Variants in GIPR observed in about 807,000 individuals in gnomAD.
GIPR encodes the protein GIP-R.
In GIPR, 74 loss-of-function variants were observed where a neutral mutation model predicts 62.2. The ratio of observed to expected loss-of-function variants is 1.19; its 90% confidence interval spans 0.99 to 1.44. GIPR has a LOEUF of 1.44. Among genes scored for constraint, GIPR ranks in the 40% most tolerant of loss-of-function variants. GIPR has a pLI of 0.00. For synonymous variants in GIPR, 256 were observed against 262.2 expected (o/e 0.98, Z 0.23); for missense variants, 664 against 611.8 (o/e 1.09, Z -0.90).
chr19:45,679,172 A>G (rs555596208), intron 12 of GIPR, among the ~76,000 whole-genome samples: 96 of 152,238 alleles, frequency 6.3e-4, no homozygotes, highest in African/African-American at 2.3e-3. Context: ...AAGACACACT[A>G]AACACACTAT....
chr19:45,680,456 G>A lies in GIPR; in HGVS notation c.1153-1148G>A, dbSNP rs958791889. Among the ~76,000 whole-genome samples, 5 of 152,222 alleles carry A rather than the reference G, an allele frequency of 3.3e-5. No homozygotes were observed. In the South Asian group the frequency reaches 8.3e-4, roughly 25 times the overall value. On this transcript the variant is annotated intron_variant, in intron 12 of 13. Transcript: ENST00000590918. ...GTGGGAGGATCCCTCTAGCTCAGGA[G>A]TTGAGGTTGAAGTGATGAAGTGAGC...
In GIPR at chr19:45,674,752, A is replaced by C. The variant is rs747456820; in HGVS notation, c.559A>C (p.Ile187Leu). 16 of 1,613,746 alleles carry C rather than the reference A, an allele frequency of 9.9e-6. No homozygotes were observed. The South Asian group carries it at 1.6e-4, about 17-fold the overall frequency. The change falls in exon 7 of 14, where the codon ATT (isoleucine) becomes CTT (leucine). Residue 187 changes from isoleucine to leucine, a missense_variant. Physicochemically the swap from Ile to Leu is conservative, Grantham distance 5. Coordinates refer to ENST00000590918, the MANE Select transcript of GIPR (RefSeq NM_000164.4). Reference sequence around the variant, plus strand: ...GTCTTTCATGCTGCGAGCTGCGGCCATTCTCAGCCGAGACCGTCTGCTACC... The same window carrying C: ...GTCTTTCATGCTGCGAGCTGCGGCCCTTCTCAGCCGAGACCGTCTGCTACC... ...FTSFMLRAAA[I>L]LSRDRLLPRP...
Position 45,678,208 on chromosome 19 carries a change from C to G in GIPR, c.1134C>G (p.Ile378Met), listed in dbSNP as rs115450421. 3.8e-4 allele frequency: 604 copies of G among 1,572,298 alleles called. 2 individuals are homozygous for G. The African/African-American group carries it at 6.9e-3, about 18-fold the overall frequency. Residue 378 changes from isoleucine to methionine, a missense_variant, in exon 12 of 14, where the codon ATC (isoleucine) becomes ATG (methionine). Transcript: ENST00000590918. ...ALRFAKLGFE[I>M]FLSSFQGFLV... ...GCTTCGCCAAGCTCGGCTTTGAGAT[C>G]TTCCTCAGCTCCTTCCAGGTGCTCA...
At position 45,674,068 on chromosome 19, in the gene GIPR, G is replaced by A. The variant is rs200834226; in HGVS notation, c.385-6G>A. On this transcript the variant is annotated splice_region_variant and splice_polypyrimidine_tract_variant and intron_variant, in intron 5 of 13. Transcript: ENST00000590918. ...CTTGTTCCCTTCCCCTTCTTGCCCCGACCAGGACCAAAGGCTCATCTTGGA... is the reference window on the plus strand; with the variant it reads ...CTTGTTCCCTTCCCCTTCTTGCCCCAACCAGGACCAAAGGCTCATCTTGGA... The A allele has an allele frequency of 3.6e-5, 58 of 1,591,222 alleles. No homozygotes were observed. Among genetic ancestry groups the A allele is most frequent in the South Asian group, 6.6e-5 (6 of 90,620 alleles).
At position 45,669,698 on chromosome 19, in the gene GIPR, C is replaced by T. The variant is rs572278459; in HGVS notation, c.72+106C>T. The T allele has an allele frequency of 1.0e-5, 15 of 1,449,698 alleles. 1 individual carries two copies. Among genetic ancestry groups the T allele is most frequent in the Middle Eastern group, 2.5e-4 (1 of 4,080 alleles). 89.8% of individuals were successfully genotyped at this position (1,449,698 alleles called of 1,614,324 possible). On this transcript the variant is annotated intron_variant, in intron 2 of 13. Transcript: ENST00000590918. ...CTGTCGCTCACGCCTGTAATCCCAG[C>T]ACTTTGGGAGGCCGAAGCGGGTGGA...
intron 7 of GIPR, chr19:45,675,293 G>A (rs113670203): frequency 9.4e-5 from 17 of 180,498 alleles, no homozygotes; most frequent in African/African-American, 2.9e-4. Flanking sequence ...GAAGCCGCAC[G>A]CACCCAGGCA....
chr19:45,678,536 T>G, intron 12 of GIPR: 1 of 425,248 alleles, frequency 2.4e-6, no homozygotes, highest in Non-Finnish European at 4.4e-6. Context: ...GCTAATTTTG[T>G]ATTTTTAGTA....
intron 6 of GIPR, 138 bp from the exon 7 acceptor site, chr19:45,674,544 C>A: frequency 1.3e-6 from 1 of 768,328 alleles, no homozygotes. Flanking sequence ...GAGGTTGAGG[C>A]TGCAGTGAGC....
rs967551309 is a variant in GIPR, at chr19:45,674,704, T to C, written c.511T>C (p.Tyr171His). Reference sequence around the variant, plus strand: ...TAGGCGGCTACATTGCACTAGAAACTATATCCACATCAACCTGTTCACGTC... The same window carrying C: ...TAGGCGGCTACATTGCACTAGAAACCATATCCACATCAACCTGTTCACGTC... ...LFRRLHCTRN[Y>H]IHINLFTSFM... Residue 171 changes from tyrosine to histidine, a missense_variant, in exon 7 of 14, where the codon TAT (tyrosine) becomes CAT (histidine). Physicochemically the swap from Tyr to His is moderately conservative, Grantham distance 83 (BLOSUM62 2). Transcript: ENST00000590918. 1 of 1,613,956 alleles carries C rather than the reference T, an allele frequency of 6.2e-7. No homozygotes were observed. Among genetic ancestry groups the C allele is most frequent in the Non-Finnish European group, 8.5e-7 (1 of 1,179,974 alleles).
rs778824900 is a variant in GIPR, at chr19:45,677,970, T to C, written c.989T>C (p.Met330Thr). 3.7e-6 allele frequency: 6 copies of C among 1,613,790 alleles called. No individual in the cohort carries two copies. In the South Asian group the frequency reaches 5.5e-5, roughly 15 times the overall value. ...ILLSKLRTRQ[M>T]RCRDYRLRLA... ...CTGTCCAAGCTGAGGACACGGCAAATGCGCTGCCGGGATTACCGGCTGAGG... is the reference window on the plus strand; with the variant it reads ...CTGTCCAAGCTGAGGACACGGCAAACGCGCTGCCGGGATTACCGGCTGAGG... The change falls in exon 11 of 14, where the codon ATG becomes ACG. Residue 330 changes from methionine to threonine, a missense_variant. Physicochemically the swap from Met to Thr is moderately conservative, Grantham distance 81 (BLOSUM62 -1). Coordinates refer to ENST00000590918, the MANE Select transcript of GIPR (RefSeq NM_000164.4).
rs1975699162 is a variant in GIPR, at chr19:45,674,064, C to T, written c.385-10C>T. 6.4e-7 allele frequency: 1 copy of T among 1,568,058 alleles called. No individual in the cohort carries two copies. The highest frequency in any genetic ancestry group is 8.8e-7 in the Non-Finnish European group (1 of 1,137,960). On this transcript the variant is annotated splice_polypyrimidine_tract_variant and intron_variant, in intron 5 of 13. Coordinates refer to ENST00000590918, the MANE Select transcript of GIPR (RefSeq NM_000164.4). ...AAGCCTTGTTCCCTTCCCCTTCTTG[C>T]CCCGACCAGGACCAAAGGCTCATCT...
At chr19:45,677,298 G>C (rs559101732) in intron 8 of GIPR, 25 bp from the exon 9 acceptor site, 14 of 1,474,628 alleles carry the variant, frequency 9.5e-6, no homozygotes, top group East Asian at 4.8e-5. Context: ...GGCGGGGTGG[G>C]GGGGCGGGGT....
At position 45,681,719 on chromosome 19, in the gene GIPR, C is replaced by A. The variant is rs775621373; in HGVS notation, c.1195-10C>A. The A allele has an allele frequency of 1.2e-6, 2 of 1,611,374 alleles. No homozygotes were observed. Among genetic ancestry groups the A allele is most frequent in the Non-Finnish European group, 1.7e-6 (2 of 1,178,398 alleles). On this transcript the variant is annotated splice_polypyrimidine_tract_variant and intron_variant, in intron 13 of 13. Transcript: ENST00000590918. ...GTACGGCGCCGCCTCTGAGCGCCAT[C>A]GTCTCACAGGTGCAGTCGGAGATCC...
At chr19:45,671,823 T>C (rs552919929) in intron 4 of GIPR, among the ~76,000 whole-genome samples, 22 of 151,170 alleles carry the variant, frequency 1.5e-4, no homozygotes, top group African/African-American at 4.9e-4. Context: ...GGTTTCACCA[T>C]GTTGGCCAGG....
intron 12 of GIPR, among the ~76,000 whole-genome samples, chr19:45,680,882 A>G (rs1230547178): frequency 1.3e-5 from 2 of 151,746 alleles, no homozygotes; most frequent in African/African-American, 4.8e-5. Flanking sequence ...CGGCAACACA[A>G]TCACCCTAAA....
chr19:45,674,188 A>G lies in GIPR; in HGVS notation c.488+11A>G. 1 of 1,562,848 alleles carries G rather than the reference A, an allele frequency of 6.4e-7. No individual in the cohort carries two copies. The highest frequency in any genetic ancestry group is 8.8e-7 in the Non-Finnish European group (1 of 1,133,242). ...CTTGAGTTTGTTCAGGTGGGACCTT[A>G]ACCCTGAGTGGTGGCGGCAGAGATG... On this transcript the variant is annotated intron_variant, in intron 6 of 13. Transcript: ENST00000590918.
intron 12 of GIPR, among the ~76,000 whole-genome samples, chr19:45,680,780 G>C (rs942102957): frequency 7.3e-6 from 1 of 137,272 alleles, no homozygotes; most frequent in African/African-American, 2.7e-5. Context: ...GCAGTGAGCT[G>C]AGATCGTGCC....
In GIPR at chr19:45,670,602, TC is replaced by T. The variant is rs779944737; in HGVS notation, c.73-32del. The T allele has an allele frequency of 6.1e-5, 91 of 1,493,590 alleles. No homozygotes were observed. In the Admixed American group the frequency reaches 8.6e-4, roughly 14 times the overall value. The allele number at this position is 1,493,590 out of a possible 1,614,324, so 92.5% of individuals were successfully genotyped here. A position where few individuals can be genotyped will look rare whatever the true frequency, so the allele number is the denominator to read the frequency against. On this transcript the variant is annotated intron_variant, in intron 2 of 13. Transcript: ENST00000590918. ...CTAGCAGCCTGGGAGCGGGGGTCGG[TC>T]TGGGGGGGTCCTCCCTTCTTTCTTT...
Position 45,682,119 on chromosome 19 carries a change from C to T in GIPR, c.*184C>T. 1 of 637,642 alleles carries T rather than the reference C, an allele frequency of 1.6e-6. No individual in the cohort carries two copies. The highest frequency in any genetic ancestry group is 2.6e-5 in the Admixed American group (1 of 38,366). The allele number at this position is 637,642 out of a possible 1,614,324, so 39.5% of individuals were successfully genotyped here. ...AACACAAAACATCAAGTTCCACACA[C>T]GCTATGGAATGGTTATGAAGGGAAG... On this transcript the variant is annotated 3_prime_UTR_variant, in exon 14 of 14. Coordinates refer to ENST00000590918, the MANE Select transcript of GIPR (RefSeq NM_000164.4).
Sources: gnomAD v4.1 joint callset for allele counts (sites outside exome capture counted in the v4.1 genomes callset) on GRCh38, gnomAD v4.1.1 for gene constraint, MANE v1.5 for transcripts, NCBI Gene and HGNC (gene_info 2026-07-23, HGNC 2026-07-21) for gene names.